Variants in LMBR1 observed in about 807,000 individuals in gnomAD.
LMBR1 encodes the protein limb region 1 protein homolog.
LMBR1 carries 52 observed loss-of-function variants against 73.9 expected under a neutral mutation model. The observed-to-expected ratio is 0.70, with a 90% CI of 0.56 to 0.89. The LOEUF (loss-of-function observed/expected upper bound fraction) is 0.89, where lower values mean the gene tolerates loss of function less well. LMBR1 is among the 40% of genes least tolerant of loss of function. The pLI, the probability that LMBR1 is intolerant of heterozygous loss-of-function variation, is 0.00. For synonymous variants in LMBR1, 215 were observed against 209.4 expected (o/e 1.03, Z -0.23); for missense variants, 539 against 579.8 (o/e 0.93, Z 0.72).
chr7:156,741,598 G>A (rs10235524), intron 9 of LMBR1, among the ~76,000 whole-genome samples: 15,903 of 152,108 alleles, frequency 0.1, 929 homozygotes, highest in East Asian at 0.16. Flanking sequence ...TTCTGCAAAA[G>A]GGTATAACAA....
chr7:156,734,818 G>A (rs1817551752), intron 9 of LMBR1, among the ~76,000 whole-genome samples: 1 of 152,128 alleles, frequency 6.6e-6, no homozygotes, highest in Admixed American at 6.5e-5. Context: ...AATGACAATT[G>A]TGAACAGCTT....
At chr7:156,807,099 T>C (rs1832274811) in intron 4 of LMBR1, among the ~76,000 whole-genome samples, 1 of 152,212 alleles carries the variant, frequency 6.6e-6, no homozygotes, top group Admixed American at 6.5e-5. Flanking sequence ...TGATGTATTA[T>C]CATTTTTATA....
At chr7:156,677,063 A>G (rs1302581467), downstream of LMBR1, 1 of 162,102 alleles carries the variant, frequency 6.2e-6, no homozygotes, top group Non-Finnish European at 1.4e-5. Context: ...TCGTTTTGTA[A>G]TAATTGCTGT....
intron 4 of LMBR1, among the ~76,000 whole-genome samples, chr7:156,817,194 A>G (rs1834047896): frequency 6.6e-6 from 1 of 152,176 alleles, no homozygotes; most frequent in African/African-American, 2.4e-5. Flanking sequence ...TTCAAACTAC[A>G]ATATACAATA....
chr7:156,690,705 G>T (rs748663621), intron 15 of LMBR1, among the ~76,000 whole-genome samples: 1 of 151,676 alleles, frequency 6.6e-6, no homozygotes, highest in African/African-American at 2.4e-5. Context: ...ATAGTGCACC[G>T]AAGAAATAGA....
chr7:156,759,328 A>G (rs1822532802), intron 8 of LMBR1, among the ~76,000 whole-genome samples: 1 of 152,220 alleles, frequency 6.6e-6, no homozygotes, highest in African/African-American at 2.4e-5. Flanking sequence ...CACTCAGCAA[A>G]CAAATCGGTT....
At chr7:156,722,670 G>A (rs2132343864) in intron 15 of LMBR1, among the ~76,000 whole-genome samples, 1 of 152,124 alleles carries the variant, frequency 6.6e-6, no homozygotes. Flanking sequence ...TGGACAGCTG[G>A]GTCCAGGCAT....
At chr7:156,673,587 G>A (rs936097628), downstream of LMBR1, among the ~76,000 whole-genome samples, 11 of 152,056 alleles carry the variant, frequency 7.2e-5, no homozygotes, top group African/African-American at 2.4e-4. Context: ...TTCCAAGTAC[G>A]GCTAATCCCA....
chr7:156,694,825 A>C (rs572561945), intron 15 of LMBR1, among the ~76,000 whole-genome samples: 41 of 152,368 alleles, frequency 2.7e-4, no homozygotes, highest in African/African-American at 9.9e-4. Flanking sequence ...TTGTAATAGC[A>C]TCAAAAAGAA....
intron 3 of LMBR1, among the ~76,000 whole-genome samples, chr7:156,830,618 C>T (rs1029666269): frequency 1.3e-5 from 2 of 152,248 alleles, no homozygotes; most frequent in Admixed American, 1.3e-4. Context: ...ATTTTACATT[C>T]ATCTGTGAAA....
At chr7:156,755,720 C>T (rs1821737844) in intron 9 of LMBR1, among the ~76,000 whole-genome samples, 1 of 152,086 alleles carries the variant, frequency 6.6e-6, no homozygotes, top group African/African-American at 2.4e-5. Context: ...TTATCTGTAT[C>T]GAATTATATA....
At chr7:156,708,029 C>CTA (rs1283099277) in intron 15 of LMBR1, among the ~76,000 whole-genome samples, 8 of 141,420 alleles carry the variant, frequency 5.7e-5, no homozygotes, top group African/African-American at 1.6e-4. Flanking sequence ...AGTTGCATTT[C>CTA]TATATAAAAA....
At position 156,705,281 on chromosome 7, in the gene LMBR1, G is replaced by A. The variant is rs187230844; in HGVS notation, c.1226-17090C>T. 8.2e-4 allele frequency among the ~76,000 whole-genome samples: 125 copies of A among 152,228 alleles called. 1 individual carries two copies. The highest frequency in any genetic ancestry group is 2.9e-3 in the African/African-American group (121 of 41,538). On this transcript the variant is annotated intron_variant, in intron 15 of 16. Transcript: ENST00000353442. ...CACTAAAACAAAAAGCCTGCCCCTG[G>A]GCATAGTGGCTTACACCTGTAATCC... is the stretch of plus-strand genomic sequence containing the variant.
rs192604598 is a variant in LMBR1, at chr7:156,801,242, G to A, written c.320-4750C>T. ...CACTGTTGTCTTATTTTAAGAAATT[G>A]CCACGGTCACGCAACCTTTAGCAAA... On this transcript the variant is annotated intron_variant, in intron 4 of 16. Coordinates refer to ENST00000353442, the MANE Select transcript of LMBR1 (RefSeq NM_022458.4). Among the ~76,000 whole-genome samples, 316 of 152,210 alleles carry A rather than the reference G, an allele frequency of 2.1e-3. 3 individuals are homozygous for A. Among genetic ancestry groups the A allele is most frequent in the Admixed American group, 2.9e-3 (44 of 15,298 alleles).
rs1342561784 is a variant in LMBR1, at chr7:156,669,114, T to G, written n.1040A>C. ...CGAACTGCTTTCATGGACTGGCACT[T>G]GGAGTTGTGTACTTTGTGAGCCTTC... On this transcript the variant is annotated non_coding_transcript_exon_variant, in exon 5 of 5. Transcript: ENST00000430825. This position sits in a 1 kb window ranked among gnomAD's most constrained non-coding sequence, Gnocchi z 4.2. 1 of 152,168 alleles carries G rather than the reference T, an allele frequency of 6.6e-6. No homozygotes were observed. The highest frequency in any genetic ancestry group is 1.9e-4 in the East Asian group (1 of 5,172). The allele number at this position is 152,168 out of a possible 1,614,324, so 9.4% of individuals were successfully genotyped here. A position where few individuals can be genotyped will look rare whatever the true frequency, so the allele number is the denominator to read the frequency against.
intron 4 of LMBR1, chr7:156,823,359 TA>T (rs1301008171): frequency 6.6e-6 from 1 of 152,088 alleles, no homozygotes; most frequent in Non-Finnish European, 1.5e-5. Flanking sequence ...CAAGAGAATA[TA>T]AACAAGTAAT....
intron 3 of LMBR1, among the ~76,000 whole-genome samples, chr7:156,831,845 C>T (rs1050560251): frequency 2.6e-5 from 4 of 152,168 alleles, no homozygotes; most frequent in African/African-American, 9.7e-5. Context: ...GTCGATTTAC[C>T]ACCACAGGTG....
At chr7:156,762,928 T>C (rs1302668312) in intron 7 of LMBR1, among the ~76,000 whole-genome samples, 180 bp downstream of exon 7, 2 of 151,928 alleles carry the variant, frequency 1.3e-5, no homozygotes, top group Non-Finnish European at 2.9e-5. Flanking sequence ...TAGAGAACAA[T>C]AAAAGCATCT....
rs73166141 is a variant in LMBR1 at position 156,777,787 on chromosome 7, C to G, written c.424-13992G>C. ...AAGACCAAACTCATCATTTTATTCTCTATCTCTGCTCCTCCTTCAATATCA... is the reference window on the plus strand; with the variant it reads ...AAGACCAAACTCATCATTTTATTCTGTATCTCTGCTCCTCCTTCAATATCA... On this transcript the variant is annotated intron_variant, in intron 5 of 16. Coordinates refer to ENST00000353442, the MANE Select transcript of LMBR1 (RefSeq NM_022458.4). Among the ~76,000 whole-genome samples, 817 of 152,322 alleles carry G rather than the reference C, an allele frequency of 5.4e-3. 7 individuals carry two copies. The highest frequency in any genetic ancestry group is 9.4e-3 in the Non-Finnish European group (640 of 68,024).
Sources: gnomAD v4.1 joint callset for allele counts (sites outside exome capture counted in the v4.1 genomes callset) on GRCh38, gnomAD v4.1.1 for gene constraint, Gnocchi (gnomAD v3.1) non-coding constraint, MANE v1.5 for transcripts, NCBI Gene and HGNC (gene_info 2026-07-23, HGNC 2026-07-21) for gene names.